The following TSC22D1 variants were observed in gnomAD, a reference collection of about 807,000 sequenced individuals.
The protein encoded by TSC22D1 is TSC22 domain family protein 1.
Under a neutral mutation model 74.2 loss-of-function variants are expected in TSC22D1, and 9 were observed. The ratio of observed to expected loss-of-function variants is 0.12; its 90% confidence interval spans 0.07 to 0.21. The LOEUF is 0.21. TSC22D1 is among the 10% of genes least tolerant of loss of function. The pLI is 1.00. For missense variants in TSC22D1, 1,427 were observed against 1,304.7 expected (o/e 1.09, Z -1.44); for synonymous variants, 586 against 492.5 (o/e 1.19, Z -2.51).
intron 1 of TSC22D1, among the ~76,000 whole-genome samples, chr13:44,517,858 T>TATATA (rs1555269398): frequency 3.9e-3 from 56 of 14,334 alleles, no homozygotes; most frequent in Non-Finnish European, 6.7e-3. Context: ...TATATATATA[T>TATATA]TTTTTTTTTT....
chr13:44,574,615 C>G lies in TSC22D1; in HGVS notation c.1460G>C (p.Gly487Ala), dbSNP rs1214166084. The G allele has an allele frequency of 6.2e-7, 1 of 1,613,968 alleles. No individual in the cohort carries two copies. Among genetic ancestry groups the G allele is most frequent in the Admixed American group, 1.7e-5 (1 of 60,004 alleles). Residue 487 changes from glycine (G) to alanine (A), a missense_variant, in exon 1 of 3, where the codon GGA becomes GCA. This residue lies in a region of TSC22D1 where 1,343 missense variants were observed against 1,191.5 expected (regional missense o/e 1.13). Coordinates refer to ENST00000458659, the MANE Select transcript of TSC22D1 (RefSeq NM_183422.4). ...CACCACAGTAGGGGCTCCCATCTCT[C>G]CACTTCCCACACTCTCTGTATAGTG... ...LSHYTESVGS[G>A]EMGAPTVVVQ...
At chr13:44,451,470 T>C in intron 1 of TSC22D1, 2 of 151,784 alleles carry the variant, frequency 1.3e-5, no homozygotes, top group East Asian at 3.9e-4. Context: ...AGAGTCAAAT[T>C]TCAAAATGCA....
At chr13:44,440,852 A>T (rs983348521) in intron 1 of TSC22D1, among the ~76,000 whole-genome samples, 1 of 152,190 alleles carries the variant, frequency 6.6e-6, no homozygotes, top group Admixed American at 6.5e-5. Context: ...AGAAAATACT[A>T]AAAGCTTCCA....
intron 1 of TSC22D1, among the ~76,000 whole-genome samples, chr13:44,487,336 T>C (rs1271376213): frequency 6.6e-6 from 1 of 150,952 alleles, no homozygotes; most frequent in East Asian, 1.9e-4. Flanking sequence ...CTGTCTCTAC[T>C]AAAAATACAA....
intron 1 of TSC22D1, 109 bp from the exon 2 acceptor site, chr13:44,436,204 GTTAT>G (rs747210782): frequency 6.1e-5 from 76 of 1,250,126 alleles, no homozygotes; most frequent in Admixed American, 3.4e-4. Flanking sequence ...TATTTTGAAT[GTTAT>G]TTAACACTAT....
chr13:44,517,857 A>ATATATTTTTTTT (rs10627677), intron 1 of TSC22D1, among the ~76,000 whole-genome samples: 4 of 16,170 alleles, frequency 2.5e-4, no homozygotes, highest in African/African-American at 7.3e-4. Flanking sequence ...ATATATATAT[A>ATATATTTTTTTT]TTTTTTTTTT....
At chr13:44,498,689 G>C (rs541687848) in intron 1 of TSC22D1, among the ~76,000 whole-genome samples, 8 of 152,208 alleles carry the variant, frequency 5.3e-5, no homozygotes, top group Non-Finnish European at 1.5e-5. Flanking sequence ...AAATAATTCA[G>C]GGATCCACTC....
At chr13:44,490,286 G>A (rs545312267) in intron 1 of TSC22D1, among the ~76,000 whole-genome samples, 17 of 151,212 alleles carry the variant, frequency 1.1e-4, no homozygotes, top group East Asian at 3.9e-4. Context: ...AACTGATAGT[G>A]TTAGAGGTCT....
intron 1 of TSC22D1, among the ~76,000 whole-genome samples, chr13:44,462,375 C>T (rs1877045099): frequency 6.6e-6 from 1 of 152,126 alleles, no homozygotes; most frequent in Non-Finnish European, 1.5e-5. Context: ...TCACAATGGC[C>T]TCATTTAATC....
At chr13:44,556,224 T>TA (rs757322742) in intron 1 of TSC22D1, among the ~76,000 whole-genome samples, 4,435 of 143,032 alleles carry the variant, frequency 0.031, 162 homozygotes, top group African/African-American at 0.09. Context: ...GTTCTACTGT[T>TA]AAAAAAAAAA....
At chr13:44,511,451 C>G (rs2138011013) in intron 1 of TSC22D1, among the ~76,000 whole-genome samples, 1 of 152,284 alleles carries the variant, frequency 6.6e-6, no homozygotes, top group African/African-American at 2.4e-5. Flanking sequence ...AAAACATCCA[C>G]CCAGCTGTCT....
intron 1 of TSC22D1, among the ~76,000 whole-genome samples, chr13:44,498,041 C>G (rs1879049645): frequency 6.6e-6 from 1 of 151,078 alleles, no homozygotes; most frequent in Non-Finnish European, 1.5e-5. Flanking sequence ...AGGGTGTAGT[C>G]TTCCTACTTC....
chr13:44,480,961 G>A (rs1248657523), intron 1 of TSC22D1, among the ~76,000 whole-genome samples: 4 of 152,132 alleles, frequency 2.6e-5, no homozygotes, highest in South Asian at 2.1e-4. Context: ...AAATTGGGTC[G>A]CTGGAGTACA....
chr13:44,532,559 C>T (rs1880905842), intron 1 of TSC22D1, among the ~76,000 whole-genome samples: 1 of 152,126 alleles, frequency 6.6e-6, no homozygotes, highest in Non-Finnish European at 1.5e-5. Context: ...CTGCAAGCTC[C>T]GCCTCCCAGG....
chr13:44,456,165 G>C (rs551090141), intron 1 of TSC22D1, among the ~76,000 whole-genome samples: 3 of 152,168 alleles, frequency 2.0e-5, no homozygotes, highest in African/African-American at 7.2e-5. Flanking sequence ...GCTCATAAAG[G>C]TAGTGCAGAC....
At chr13:44,536,203 TG>T (rs1399071017) in intron 1 of TSC22D1, among the ~76,000 whole-genome samples, 2 of 151,926 alleles carry the variant, frequency 1.3e-5, no homozygotes, top group Admixed American at 6.6e-5. Context: ...TTAATTTCTT[TG>T]GGGAGCCAAA....
At chr13:44,481,741 C>G (rs1373214158) in intron 1 of TSC22D1, among the ~76,000 whole-genome samples, 2 of 152,202 alleles carry the variant, frequency 1.3e-5, no homozygotes, top group African/African-American at 4.8e-5. Context: ...TAATAATCCA[C>G]AAGTGGATTT....
chr13:44,486,182 C>T (rs1466028391), intron 1 of TSC22D1, among the ~76,000 whole-genome samples: 2 of 151,864 alleles, frequency 1.3e-5, no homozygotes, highest in African/African-American at 4.8e-5. Context: ...TATAAACAGA[C>T]AAGACTCACC....
chr13:44,515,464 A>C (rs1478316900), intron 1 of TSC22D1, among the ~76,000 whole-genome samples: 2 of 150,602 alleles, frequency 1.3e-5, no homozygotes, highest in Admixed American at 6.6e-5. Context: ...TTTTTGAGAC[A>C]GTTCTTTCTT....
Sources: allele counts gnomAD v4.1 joint callset (sites outside exome capture counted in the v4.1 genomes callset), GRCh38; gene constraint gnomAD v4.1.1; regional missense constraint gnomAD v4.1.1; transcripts MANE v1.5; gene names NCBI Gene and HGNC (gene_info 2026-07-23, HGNC 2026-07-21).